C22orf42: variants seen among roughly 807,000 people sequenced by gnomAD.
The protein encoded by C22orf42 is uncharacterized protein C22orf42.
In C22orf42, 24 loss-of-function variants were observed where a neutral mutation model predicts 31.4. The observed-to-expected ratio is 0.77, with a 90% CI of 0.55 to 1.08. The LOEUF is 1.08. Among genes scored for constraint, C22orf42 ranks in the 50% least tolerant of loss-of-function variants. The probability of loss-of-function intolerance (pLI) is 0.00; values close to 1 mark genes in which losing one functional copy is unlikely to be tolerated. For missense variants in C22orf42, 276 were observed against 327.3 expected (o/e 0.84, Z 1.21); for synonymous variants, 96 against 112.7 (o/e 0.85, Z 0.94).
chr22:32,151,096 C>T (rs1316310200), intron 5 of C22orf42, 77 bp from the exon 6 acceptor site: 31 of 1,464,846 alleles, frequency 2.1e-5, no homozygotes, highest in Non-Finnish European at 2.9e-5. Context: ...GCCTTTTATT[C>T]ACCTGGTGAA....
intron 3 of C22orf42, among the ~76,000 whole-genome samples, chr22:32,152,307 A>C (rs1020015665): frequency 1.3e-4 from 20 of 152,146 alleles, no homozygotes; most frequent in African/African-American, 4.8e-4. Flanking sequence ...GGCAAATACA[A>C]AATTATTTTT....
upstream of C22orf42, chr22:32,159,504 G>A: frequency 1.6e-6 from 2 of 1,276,596 alleles, no homozygotes; most frequent in East Asian, 3.8e-5. Flanking sequence ...TTCATCCTGG[G>A]CTGCCTGAGC....
At chr22:32,152,715 ATG>A in intron 2 of C22orf42, 89 bp from the exon 3 acceptor site, 4 of 1,302,070 alleles carry the variant, frequency 3.1e-6, no homozygotes, top group Non-Finnish European at 4.5e-6. Context: ...GGGCTGGAGT[ATG>A]TGGAGGTGGG....
intron 4 of C22orf42, 94 bp from the exon 5 acceptor site, chr22:32,151,645 G>C (rs1360612757): frequency 2.8e-5 from 35 of 1,247,110 alleles, no homozygotes; most frequent in East Asian, 1.9e-4. Context: ...GGAGTGTGTG[G>C]AGGTGGGCGG....
chr22:32,154,552 A>T (rs939646965), intron 1 of C22orf42, among the ~76,000 whole-genome samples: 2 of 152,244 alleles, frequency 1.3e-5, no homozygotes, highest in African/African-American at 4.8e-5. Flanking sequence ...GTGCAGGCAG[A>T]TACCTTTATT....
intron 1 of C22orf42, among the ~76,000 whole-genome samples, chr22:32,155,622 T>A (rs5994477): frequency 0.071 from 10,700 of 151,534 alleles, 898 homozygotes; most frequent in African/African-American, 0.2. Context: ...CTAAACTGTT[T>A]AACGTTTTAA....
At chr22:32,157,258 G>A (rs1465369364) in intron 1 of C22orf42, among the ~76,000 whole-genome samples, 1 of 152,032 alleles carries the variant, frequency 6.6e-6, no homozygotes. Context: ...TGGTCTCCCT[G>A]CTTCCACCCT....
intron 8 of C22orf42, 29 bp downstream of exon 8, chr22:32,149,714 CATATATATCT>C (rs1180768035): frequency 2.7e-6 from 3 of 1,124,276 alleles, no homozygotes; most frequent in East Asian, 3.2e-5. Flanking sequence ...TCTATATCTA[CATATATATCT>C]ATATATATCT....
At chr22:32,150,908 A>C in intron 6 of C22orf42, 84 bp downstream of exon 6, 2 of 1,391,108 alleles carry the variant, frequency 1.4e-6, no homozygotes, top group South Asian at 2.4e-5. Context: ...ATATAGTAAA[A>C]ACGCTGAATC....
intron 5 of C22orf42, 21 bp from the exon 6 acceptor site, chr22:32,151,040 A>C (rs778776287): frequency 8.7e-6 from 14 of 1,609,784 alleles, no homozygotes; most frequent in Non-Finnish European, 1.1e-5. Flanking sequence ...AGAAAAGAAA[A>C]AGAAACACCA....
rs1921455214 is a variant in C22orf42 at position 32,159,176 on chromosome 22, C to T, written c.40G>A (p.Gly14Ser). 2 of 1,613,888 alleles carry T rather than the reference C, an allele frequency of 1.2e-6. No homozygotes were observed. Among genetic ancestry groups the T allele is most frequent in the Non-Finnish European group, 1.7e-6 (2 of 1,180,024 alleles). The change falls in exon 1 of 9, where the codon GGC becomes AGC. Residue 14 changes from glycine to serine, a missense_variant. Physicochemically the swap from Gly to Ser is moderately conservative, Grantham distance 56. Coordinates refer to ENST00000382097, the MANE Select transcript of C22orf42 (RefSeq NM_001010859.3). Reference protein sequence around the residue: ...KLTCCLGPSGGLNCDCCRPDV... With the variant: ...KLTCCLGPSGSLNCDCCRPDV... ...GGCCTGCAGCAGTCACAGTTGAGGC[C>T]CCCGCTGGGGCCCAGGCAGCAAGTC...
intron 5 of C22orf42, among the ~76,000 whole-genome samples, 163 bp downstream of exon 5, chr22:32,151,324 A>G (rs1462358327): frequency 6.6e-6 from 1 of 152,178 alleles, no homozygotes; most frequent in African/African-American, 2.4e-5. Context: ...GGCCATCGTC[A>G]ATCAGGCCTC....
rs1603184527 is a variant in C22orf42, at chr22:32,158,895, T to A, written c.232+89A>T. On this transcript the variant is annotated intron_variant, in intron 1 of 8. Coordinates refer to ENST00000382097, the MANE Select transcript of C22orf42 (RefSeq NM_001010859.3). ...GCAGGAGGGAGCTGGAAGCTGAGGA[T>A]GTCTCTGAGGGTGAGGGACTGCAAA... is the stretch of plus-strand genomic sequence containing the variant. The A allele has an allele frequency of 1.3e-5, 19 of 1,416,518 alleles. No individual in the cohort carries two copies. In the East Asian group the frequency reaches 4.3e-4, roughly 32 times the overall value. The allele number at this position is 1,416,518 out of a possible 1,614,324, so 87.7% of individuals were successfully genotyped here.
At chr22:32,157,128 T>C (rs1238892722) in intron 1 of C22orf42, among the ~76,000 whole-genome samples, 1 of 152,062 alleles carries the variant, frequency 6.6e-6, no homozygotes, top group East Asian at 1.9e-4. Context: ...ATTTATCACT[T>C]TATTACCTAC....
Position 32,152,074 on chromosome 22 carries a change from G to C in C22orf42, c.393C>G (p.His131Gln), listed in dbSNP as rs372759024. The C allele has an allele frequency of 6.2e-7, 1 of 1,606,796 alleles. No individual in the cohort carries two copies. The highest frequency in any genetic ancestry group is 8.5e-7 in the Non-Finnish European group (1 of 1,178,024). Residue 131 changes from histidine (H) to glutamine (Q), a missense_variant, in exon 4 of 9, where the codon CAC becomes CAG. Physicochemically the swap from His to Gln is conservative, Grantham distance 24 (BLOSUM62 0). Coordinates refer to ENST00000382097, the MANE Select transcript of C22orf42 (RefSeq NM_001010859.3). The part of the protein sequence containing the change: ...TSDIEIPEAK[H>Q]DHRPTEDVQV... ...TAAAAAAAAAATACGTACGGTGGTC[G>C]TGCTTGGCCTCAGGTATTTCCTGCA...
At chr22:32,151,666 T>C (rs1014862063) in intron 4 of C22orf42, 115 bp from the exon 5 acceptor site, 10 of 922,548 alleles carry the variant, frequency 1.1e-5, no homozygotes, top group South Asian at 5.3e-5. Flanking sequence ...TTGACAGGCA[T>C]GGACTGAGCT....
Position 32,149,058 on chromosome 22 carries a change from T to A in C22orf42, c.*482A>T, listed in dbSNP as rs1017412132. On this transcript the variant is annotated 3_prime_UTR_variant, in exon 9 of 9. Transcript: ENST00000382097. Reference sequence around the variant, plus strand: ...CCCTAAAATGGAGATAACATCAATATTGTCTCCATCACTCCGAAACCCCCT... The same window carrying A: ...CCCTAAAATGGAGATAACATCAATAATGTCTCCATCACTCCGAAACCCCCT... 2 of 152,224 alleles carry A rather than the reference T, an allele frequency of 1.3e-5. No homozygotes were observed. The highest frequency in any genetic ancestry group is 1.3e-4 in the Admixed American group (2 of 15,268). The allele number at this position is 152,224 out of a possible 1,614,324, so 9.4% of individuals were successfully genotyped here.
At chr22:32,150,039 C>A in intron 7 of C22orf42, 2 of 532,444 alleles carry the variant, frequency 3.8e-6, no homozygotes, top group Non-Finnish European at 6.8e-6. Context: ...ATGCTCACTA[C>A]CAGATAGTTT....
chr22:32,156,919 G>A (rs1458478112), intron 1 of C22orf42, among the ~76,000 whole-genome samples: 4 of 152,142 alleles, frequency 2.6e-5, no homozygotes, highest in African/African-American at 7.2e-5. Context: ...ATTCCCCTTC[G>A]TGGAGTCGAG....
Sources: gnomAD v4.1 joint callset for allele counts (sites outside exome capture counted in the v4.1 genomes callset) on GRCh38, gnomAD v4.1.1 for gene constraint, MANE v1.5 for transcripts, NCBI Gene and HGNC (gene_info 2026-07-23, HGNC 2026-07-21) for gene names.